Variants in LRBA observed in about 807,000 individuals in gnomAD.
The protein encoded by LRBA is lipopolysaccharide-responsive and beige-like anchor protein.
In LRBA, 176 loss-of-function variants were observed where a neutral mutation model predicts 330.0. That is an observed-to-expected ratio of 0.53 (90% CI 0.47 to 0.60). The LOEUF (loss-of-function observed/expected upper bound fraction) is 0.60. Among genes scored for constraint, LRBA ranks in the 20% least tolerant of loss-of-function variants. The pLI is 0.00. For missense variants in LRBA, 3,259 were observed against 3,444.8 expected (o/e 0.95, Z 1.35); for synonymous variants, 1,230 against 1,193.0 (o/e 1.03, Z -0.64).
At chr4:150,351,180 T>C (rs1339472690) in intron 47 of LRBA, among the ~76,000 whole-genome samples, 1 of 152,308 alleles carries the variant, frequency 6.6e-6, no homozygotes, top group South Asian at 2.1e-4. Context: ...TAAAACATAA[T>C]AGATGCCAAT....
At chr4:150,945,102 T>C (rs1377029466) in intron 2 of LRBA, among the ~76,000 whole-genome samples, 1 of 152,210 alleles carries the variant, frequency 6.6e-6, no homozygotes, top group Non-Finnish European at 1.5e-5. Context: ...GAAAATGGAC[T>C]AATACAACTG....
rs932478942 is a variant in LRBA at position 150,354,932 on chromosome 4, ATG to A, written c.7195-4775_7195-4774del. Among the ~76,000 whole-genome samples the A allele has an allele frequency of 3.6e-3, 542 of 151,428 alleles. 8 individuals are homozygous for A. Among genetic ancestry groups the A allele is most frequent in the African/African-American group, 0.012 (510 of 41,370 alleles). On this transcript the variant is annotated intron_variant, in intron 47 of 56. Coordinates refer to ENST00000651943, the MANE Select transcript of LRBA (RefSeq NM_001364905.1). ...ACCCTGTGTCAGAAATAATTACAATATGTGTGTGTGTGTGTATATATATATGT... is the reference window on the plus strand; with the variant it reads ...ACCCTGTGTCAGAAATAATTACAATATGTGTGTGTGTGTATATATATATGT...
In LRBA at chr4:150,868,226, A is replaced by G. The variant is rs2126990275; in HGVS notation, c.2529T>C (p.Leu843=). Residue 843 remains leucine (L), a synonymous_variant, in exon 21 of 57, where the codon CTT becomes CTC. Transcript: ENST00000651943. ...PESMEVRRAF[L]SDMIKLFNNS... is the part of the protein sequence containing the mutation. ...TATTAAAAAGTTTAATCATGTCAGA[A>G]AGAAAGGCTCTGCGAACCTCCATGC... is the stretch of plus-strand genomic sequence containing the variant. 3 of 1,612,914 alleles carry G rather than the reference A, an allele frequency of 1.9e-6. No homozygotes were observed. The highest frequency in any genetic ancestry group is 1.7e-4 in the Middle Eastern group (1 of 6,060).
intron 34 of LRBA, among the ~76,000 whole-genome samples, chr4:150,785,218 G>A (rs1738872264): frequency 6.6e-6 from 1 of 152,140 alleles, no homozygotes; most frequent in Non-Finnish European, 1.5e-5. Context: ...AGTTAGTTCG[G>A]GGCGGGGGCG....
intron 37 of LRBA, among the ~76,000 whole-genome samples, chr4:150,620,353 G>A (rs1268784222): frequency 6.6e-6 from 1 of 152,136 alleles, no homozygotes; most frequent in Non-Finnish European, 1.5e-5. Flanking sequence ...ATACTCTGCT[G>A]GTGGGAATGT....
chr4:150,419,633 C>CTTTTTTTTTTTTTTTTTTTTTTTTTTT (rs780382905), intron 46 of LRBA, among the ~76,000 whole-genome samples: 1 of 96,990 alleles, frequency 1.0e-5, no homozygotes, highest in Non-Finnish European at 2.0e-5. Context: ...CTGATAATAT[C>CTTTTTTTTTTTTTTTTTTTTTTTTTTT]TTTTTTTTTT....
intron 47 of LRBA, among the ~76,000 whole-genome samples, chr4:150,365,616 A>AC: frequency 6.6e-6 from 1 of 151,842 alleles, no homozygotes. Flanking sequence ...ACATGGAGAA[A>AC]CCCCATCTCT....
chr4:150,429,660 G>A (rs1277271706), intron 46 of LRBA, among the ~76,000 whole-genome samples: 1 of 151,954 alleles, frequency 6.6e-6, no homozygotes, highest in African/African-American at 2.4e-5. Flanking sequence ...AAATGTGGGA[G>A]GTCTGTTAGA....
intron 34 of LRBA, among the ~76,000 whole-genome samples, chr4:150,768,504 T>C (rs1381606022): frequency 1.3e-5 from 2 of 152,192 alleles, no homozygotes; most frequent in African/African-American, 2.4e-5. Flanking sequence ...ATTAAAAAGC[T>C]ATAATGAAAA....
At chr4:151,007,589 G>A (rs950804250) in intron 2 of LRBA, among the ~76,000 whole-genome samples, 10 of 151,658 alleles carry the variant, frequency 6.6e-5, no homozygotes, top group Admixed American at 2.0e-4. Flanking sequence ...CGGGCGCGGT[G>A]TCTCACATCT....
intron 40 of LRBA, among the ~76,000 whole-genome samples, chr4:150,571,658 T>G (rs961284622): frequency 3.5e-4 from 51 of 143,918 alleles, no homozygotes; most frequent in African/African-American, 1.3e-3. Flanking sequence ...TGTTTTTTTT[T>G]TTTTTTTTTT....
At chr4:150,502,868 C>T (rs1247419576) in intron 40 of LRBA, among the ~76,000 whole-genome samples, 1 of 152,238 alleles carries the variant, frequency 6.6e-6, no homozygotes, top group East Asian at 1.9e-4. Flanking sequence ...ACTGCGCTTT[C>T]CCAACGGGCT....
chr4:150,365,846 C>T (rs1362707021), intron 47 of LRBA, among the ~76,000 whole-genome samples: 1 of 146,604 alleles, frequency 6.8e-6, no homozygotes, highest in African/African-American at 2.5e-5. Context: ...TATATTTTGA[C>T]ACATGAACTA....
intron 53 of LRBA, among the ~76,000 whole-genome samples, chr4:150,292,991 T>C (rs1439457411): frequency 1.3e-5 from 2 of 152,004 alleles, no homozygotes; most frequent in Non-Finnish European, 2.9e-5. Context: ...AAAACCTGGC[T>C]TTATAAAAAA....
chr4:150,303,018 A>G (rs913717718), intron 52 of LRBA, among the ~76,000 whole-genome samples: 8 of 152,222 alleles, frequency 5.3e-5, no homozygotes, highest in Non-Finnish European at 8.8e-5. Context: ...TGTTAAAACT[A>G]TTTCAACAAA....
At position 150,783,949 on chromosome 4, in the gene LRBA, ACT is replaced by A. The variant is rs372809265; in HGVS notation, c.5580+14130_5580+14131del. Among the ~76,000 whole-genome samples, 636 of 152,220 alleles carry A rather than the reference ACT, an allele frequency of 4.2e-3. 3 individuals are homozygous for A. Among genetic ancestry groups the A allele is most frequent in the African/African-American group, 0.015 (615 of 41,518 alleles). On this transcript the variant is annotated intron_variant, in intron 34 of 56. Transcript: ENST00000651943. ...TCTCCTGGAAAGAAAATATAAAGAC[ACT>A]CTACTAGGAAAGTAAATTTGTTAGT... is the stretch of plus-strand genomic sequence containing the variant.
chr4:150,547,321 G>T (rs758967809), intron 40 of LRBA, among the ~76,000 whole-genome samples: 1 of 151,932 alleles, frequency 6.6e-6, no homozygotes, highest in African/African-American at 2.4e-5. Flanking sequence ...AGAAAAATGC[G>T]ACAAAACACA....
chr4:150,850,875 G>T lies in LRBA; in HGVS notation c.3853C>A (p.Gln1285Lys), dbSNP rs1314775034. 1 of 1,610,998 alleles carries T rather than the reference G, an allele frequency of 6.2e-7. No individual in the cohort carries two copies. Among genetic ancestry groups the T allele is most frequent in the East Asian group, 2.2e-5 (1 of 44,764 alleles). The change falls in exon 24 of 57, where the codon CAA becomes AAA. Residue 1285 changes from glutamine (Q) to lysine (K), a missense_variant. Transcript: ENST00000651943. ...EISRQHEQPG[Q>K]GIAPDAVNGQ... ...TTAACTGCATCTGGTGCTATTCCTTGCCCTGGCTGCTCATGTTGCCTTGAT... is the reference window on the plus strand; with the variant it reads ...TTAACTGCATCTGGTGCTATTCCTTTCCCTGGCTGCTCATGTTGCCTTGAT...
At chr4:150,885,715 G>C (rs1336695545) in intron 17 of LRBA, among the ~76,000 whole-genome samples, 1 of 151,954 alleles carries the variant, frequency 6.6e-6, no homozygotes, top group Non-Finnish European at 1.5e-5. Flanking sequence ...AGAGAAAAAT[G>C]ACTGATGACA....
Sources: gnomAD v4.1 joint callset for allele counts (sites outside exome capture counted in the v4.1 genomes callset) on GRCh38, gnomAD v4.1.1 for gene constraint, MANE v1.5 for transcripts, NCBI Gene and HGNC (gene_info 2026-07-23, HGNC 2026-07-21) for gene names.